The following EPC2 variants were observed in gnomAD, a reference collection of about 807,000 sequenced individuals.
EPC2 encodes the protein enhancer of polycomb homolog 2.
In EPC2, 14 loss-of-function variants were observed where a neutral mutation model predicts 92.1. The observed-to-expected ratio is 0.15, with a 90% CI of 0.10 to 0.24. The LOEUF is 0.24. EPC2 is among the 10% of genes least tolerant of loss of function. EPC2 has a pLI of 1.00. For synonymous variants in EPC2, 340 were observed against 334.7 expected (o/e 1.02, Z -0.17); for missense variants, 755 against 971.5 (o/e 0.78, Z 2.96).
rs1683514095 is a variant in EPC2 at position 148,771,345 on chromosome 2, G to T, written c.1678G>T (p.Ala560Ser). Reference protein sequence around the residue: ...QTVNNKRVSAASVALLNTSKN... With the variant: ...QTVNNKRVSASSVALLNTSKN... ...TGTGAACAATAAAAGAGTTTCTGCA[G>T]CATCTGTAGCTTTATTGAACACCAG... Residue 560 changes from alanine to serine, a missense_variant, in exon 10 of 14, where the codon GCA (alanine) becomes TCA (serine). Ala to Ser is a moderately conservative substitution (Grantham distance 99). This residue lies in a region of EPC2 where 509 missense variants were observed against 607.7 expected (regional missense o/e 0.84). Transcript: ENST00000258484. 3.1e-6 allele frequency: 5 copies of T among 1,609,624 alleles called. No homozygotes were observed. Among genetic ancestry groups the T allele is most frequent in the Non-Finnish European group, 4.2e-6 (5 of 1,178,576 alleles).
chr2:148,719,317 C>T (rs1239725699), intron 2 of EPC2, among the ~76,000 whole-genome samples: 2 of 152,152 alleles, frequency 1.3e-5, no homozygotes, highest in East Asian at 3.9e-4. Context: ...AGGAAAAGGA[C>T]ACTCTGGCTT....
intron 3 of EPC2, among the ~76,000 whole-genome samples, chr2:148,745,583 G>A (rs1171818530): frequency 1.3e-5 from 2 of 152,132 alleles, no homozygotes; most frequent in African/African-American, 4.8e-5. Flanking sequence ...TCTAGGCTGT[G>A]AAACAAGTAG....
At chr2:148,756,182 A>C (rs1683186673) in intron 4 of EPC2, among the ~76,000 whole-genome samples, 1 of 152,122 alleles carries the variant, frequency 6.6e-6, no homozygotes, top group South Asian at 2.1e-4. Flanking sequence ...TTTTCCTGAC[A>C]CTCTGATTCC....
intron 2 of EPC2, among the ~76,000 whole-genome samples, chr2:148,725,053 T>C (rs1228200367): frequency 6.6e-6 from 1 of 152,132 alleles, no homozygotes; most frequent in Non-Finnish European, 1.5e-5. Flanking sequence ...TTAAGAGAAA[T>C]TGAAATATCG....
At chr2:148,654,291 C>T (rs1475486858) in intron 1 of EPC2, among the ~76,000 whole-genome samples, 2 of 152,074 alleles carry the variant, frequency 1.3e-5, no homozygotes, top group African/African-American at 4.8e-5. Context: ...GTCTTATAGG[C>T]AACACTCATT....
intron 10 of EPC2, among the ~76,000 whole-genome samples, chr2:148,775,442 C>A (rs529888867): frequency 1.3e-5 from 2 of 151,870 alleles, no homozygotes; most frequent in South Asian, 2.1e-4. Flanking sequence ...AAGTGCTTTG[C>A]TTTTTCAGAT....
At chr2:148,652,649 A>G (rs1680710042) in intron 1 of EPC2, among the ~76,000 whole-genome samples, 1 of 152,112 alleles carries the variant, frequency 6.6e-6, no homozygotes, top group African/African-American at 2.4e-5. Context: ...CATATTGTCC[A>G]GGATTATAAT....
chr2:148,777,846 T>C (rs1224999724), intron 10 of EPC2, among the ~76,000 whole-genome samples: 2 of 152,132 alleles, frequency 1.3e-5, no homozygotes, highest in East Asian at 3.9e-4. Context: ...AATTACAAGA[T>C]AGATAATGAA....
chr2:148,648,520 TAACA>T (rs889125924), intron 1 of EPC2, among the ~76,000 whole-genome samples: 8 of 152,224 alleles, frequency 5.3e-5, no homozygotes, highest in Non-Finnish European at 1.2e-4. Flanking sequence ...AGTAGGCTTG[TAACA>T]AACAAACCAA....
chr2:148,735,075 A>G (rs1018510259), intron 2 of EPC2, among the ~76,000 whole-genome samples: 6 of 151,930 alleles, frequency 3.9e-5, no homozygotes, highest in East Asian at 1.9e-4. Flanking sequence ...ATTGATGGAC[A>G]TGTTTTTGCT....
intron 2 of EPC2, among the ~76,000 whole-genome samples, chr2:148,718,196 G>A (rs569133129): frequency 1.4e-4 from 21 of 152,198 alleles, no homozygotes; most frequent in African/African-American, 4.1e-4. Flanking sequence ...TCTTTATCCA[G>A]CTTGCCATTC....
chr2:148,703,389 A>G (rs1380518361), intron 2 of EPC2, among the ~76,000 whole-genome samples: 2 of 152,102 alleles, frequency 1.3e-5, no homozygotes, highest in African/African-American at 4.8e-5. Context: ...GGGATGGTGA[A>G]GTCAGTTTTT....
chr2:148,785,572 C>T (rs532284244), intron 13 of EPC2, among the ~76,000 whole-genome samples: 1 of 152,194 alleles, frequency 6.6e-6, no homozygotes, highest in African/African-American at 2.4e-5. Flanking sequence ...GTGATCCACC[C>T]GCCTCAGCCT....
chr2:148,711,867 G>T (rs1682150368), intron 2 of EPC2, among the ~76,000 whole-genome samples: 1 of 152,036 alleles, frequency 6.6e-6, no homozygotes, highest in African/African-American at 2.4e-5. Flanking sequence ...CTTGCTGTGA[G>T]GTCTCTTCTG....
rs1344080210 is a variant in EPC2 at position 148,757,259 on chromosome 2, C to G, written c.666+3126C>G. Reference sequence around the variant, plus strand: ...GGCGTGGTGGCAGGTGCCTGTACTCCCAGCTGCTCGGGAGGCTGAGGCATG... The same window carrying G: ...GGCGTGGTGGCAGGTGCCTGTACTCGCAGCTGCTCGGGAGGCTGAGGCATG... On this transcript the variant is annotated intron_variant, in intron 4 of 13. Coordinates refer to ENST00000258484, the MANE Select transcript of EPC2 (RefSeq NM_015630.4). 6.6e-5 allele frequency among the ~76,000 whole-genome samples: 10 copies of G among 152,086 alleles called. No homozygotes were observed. The East Asian group carries it at 1.7e-3, about 26-fold the overall frequency.
chr2:148,763,823 C>T (rs550691685), intron 6 of EPC2, among the ~76,000 whole-genome samples: 2 of 152,258 alleles, frequency 1.3e-5, no homozygotes, highest in African/African-American at 4.8e-5. Flanking sequence ...CAATGCTTTT[C>T]CTAGGTATGT....
intron 1 of EPC2, among the ~76,000 whole-genome samples, chr2:148,660,202 G>A (rs1005517833): frequency 2.0e-5 from 3 of 152,058 alleles, no homozygotes; most frequent in Non-Finnish European, 4.4e-5. Flanking sequence ...GTAAGAGAGA[G>A]AAAGAGAAAG....
intron 1 of EPC2, among the ~76,000 whole-genome samples, chr2:148,678,989 C>A (rs1681335912): frequency 6.6e-6 from 1 of 152,224 alleles, no homozygotes; most frequent in South Asian, 2.1e-4. Flanking sequence ...TTTGAAGTTA[C>A]AATGCACTAT....
At chr2:148,726,494 G>C (rs187714976) in intron 2 of EPC2, among the ~76,000 whole-genome samples, 2 of 152,214 alleles carry the variant, frequency 1.3e-5, no homozygotes, top group East Asian at 3.9e-4. Flanking sequence ...TTTGATAGTG[G>C]CCATCCTAAC....
Sources: allele counts gnomAD v4.1 joint callset (sites outside exome capture counted in the v4.1 genomes callset), GRCh38; gene constraint gnomAD v4.1.1; regional missense constraint gnomAD v4.1.1; transcripts MANE v1.5; gene names NCBI Gene and HGNC (gene_info 2026-07-23, HGNC 2026-07-21).